NCAM1: variants seen among roughly 807,000 people sequenced by gnomAD.
The protein encoded by NCAM1 is antigen recognized by monoclonal antibody 5.1H11.
A neutral mutation model predicts 109.8 loss-of-function variants in NCAM1; 14 were observed. The ratio of observed to expected loss-of-function variants is 0.13; its 90% CI spans 0.08 to 0.20. The LOEUF is 0.20. Ranked by LOEUF, NCAM1 falls within the 10% of genes least tolerant of loss-of-function variation. The pLI, the probability that NCAM1 is intolerant of heterozygous loss-of-function variation, is 1.00. For synonymous variants in NCAM1, 418 were observed against 442.9 expected (o/e 0.94, Z 0.70); for missense variants, 774 against 1,109.9 (o/e 0.70, Z 4.30).
chr11:113,087,830 C>G (rs1057236136), intron 1 of NCAM1, among the ~76,000 whole-genome samples: 1 of 152,180 alleles, frequency 6.6e-6, no homozygotes. Flanking sequence ...GGAGCTCAGT[C>G]TCTACTTTCA....
chr11:113,036,768 T>C (rs782782193), intron 1 of NCAM1, among the ~76,000 whole-genome samples: 7 of 152,140 alleles, frequency 4.6e-5, no homozygotes, highest in Non-Finnish European at 1.0e-4. Flanking sequence ...ACCTCAAATA[T>C]TTCAAGGAAA....
intron 1 of NCAM1, among the ~76,000 whole-genome samples, chr11:113,080,241 C>A (rs1255435220): frequency 6.6e-6 from 1 of 151,964 alleles, no homozygotes; most frequent in Non-Finnish European, 1.5e-5. Context: ...TTCAAGTGCC[C>A]GCTACAGAAA....
chr11:113,163,191 G>A (rs1555104708), intron 1 of NCAM1, among the ~76,000 whole-genome samples: 1 of 152,186 alleles, frequency 6.6e-6, no homozygotes, highest in Non-Finnish European at 1.5e-5. Context: ...AAGAAAGGCA[G>A]AGAAGACCTT....
chr11:113,089,935 ATTC>A (rs1393329823), intron 1 of NCAM1, among the ~76,000 whole-genome samples: 2 of 152,224 alleles, frequency 1.3e-5, no homozygotes, highest in African/African-American at 4.8e-5. Flanking sequence ...ATAAGATTCT[ATTC>A]TATTACAGGA....
intron 1 of NCAM1, among the ~76,000 whole-genome samples, chr11:113,189,039 C>T (rs943063471): frequency 5.9e-5 from 9 of 152,142 alleles, no homozygotes; most frequent in East Asian, 1.9e-4. Flanking sequence ...TTGTCCTCTC[C>T]GTAGGCTTTT....
chr11:113,108,979 G>C (rs1343768008), intron 1 of NCAM1, among the ~76,000 whole-genome samples: 1 of 150,518 alleles, frequency 6.6e-6, no homozygotes, highest in East Asian at 2.0e-4. Flanking sequence ...CACCTGCCTT[G>C]GCCTCCCAAA....
At chr11:113,079,987 A>G (rs533165471) in intron 1 of NCAM1, among the ~76,000 whole-genome samples, 2 of 152,354 alleles carry the variant, frequency 1.3e-5, no homozygotes, top group East Asian at 1.9e-4. Flanking sequence ...AAATATTACA[A>G]TACATTATAA....
intron 1 of NCAM1, among the ~76,000 whole-genome samples, chr11:113,116,294 C>T (rs1366495815): frequency 6.6e-6 from 1 of 152,194 alleles, no homozygotes; most frequent in African/African-American, 2.4e-5. Flanking sequence ...TTTGTCCATT[C>T]AGGCAACTGC....
intron 1 of NCAM1, among the ~76,000 whole-genome samples, chr11:113,056,489 G>A (rs1333626438): frequency 6.6e-6 from 1 of 152,084 alleles, no homozygotes; most frequent in South Asian, 2.1e-4. Context: ...GCCATCACAT[G>A]TACCCCTAAC....
At chr11:113,169,875 C>T (rs1230305835) in intron 1 of NCAM1, among the ~76,000 whole-genome samples, 4 of 152,112 alleles carry the variant, frequency 2.6e-5, no homozygotes, top group African/African-American at 9.7e-5. Context: ...GATCCTCCCG[C>T]CTCAGCCTCC....
At chr11:113,042,032 C>T (rs1953097472) in intron 1 of NCAM1, among the ~76,000 whole-genome samples, 1 of 152,166 alleles carries the variant, frequency 6.6e-6, no homozygotes. Context: ...GAACTTTGCC[C>T]TTGTCACTCC....
chr11:113,235,806 G>A (rs11214546), intron 14 of NCAM1, among the ~76,000 whole-genome samples: 52 of 152,142 alleles, frequency 3.4e-4, no homozygotes, highest in South Asian at 1.2e-3. Context: ...GGTTTTCCTC[G>A]GCCATTCCCT....
chr11:113,185,510 C>T (rs1298854826), intron 1 of NCAM1, among the ~76,000 whole-genome samples: 1 of 152,088 alleles, frequency 6.6e-6, no homozygotes, highest in Non-Finnish European at 1.5e-5. Context: ...CACCTTATGG[C>T]TCAGGAAAAT....
chr11:112,984,678 C>CCT (rs1951248440), intron 1 of NCAM1, among the ~76,000 whole-genome samples: 1 of 151,756 alleles, frequency 6.6e-6, no homozygotes, highest in African/African-American at 2.4e-5. Context: ...TATACAGTAT[C>CCT]TGTTGGTTAT....
At chr11:113,185,499 G>A (rs1943481369) in intron 1 of NCAM1, among the ~76,000 whole-genome samples, 1 of 152,052 alleles carries the variant, frequency 6.6e-6, no homozygotes, top group Non-Finnish European at 1.5e-5. Context: ...AAATATCTGG[G>A]CACCTTATGG....
At chr11:112,967,659 A>G (rs1950764482) in intron 1 of NCAM1, among the ~76,000 whole-genome samples, 1 of 152,222 alleles carries the variant, frequency 6.6e-6, no homozygotes, top group Admixed American at 6.5e-5. Flanking sequence ...ATGGATCTGG[A>G]AAAAATAATT....
intron 14 of NCAM1, chr11:113,246,125 C>G: frequency 3.8e-6 from 2 of 531,458 alleles, no homozygotes; most frequent in Non-Finnish European, 3.3e-6. Flanking sequence ...TGGGCAGTTT[C>G]ACTGCCCTCC....
intron 1 of NCAM1, among the ~76,000 whole-genome samples, chr11:113,095,958 C>T (rs887600957): frequency 6.6e-6 from 1 of 152,076 alleles, no homozygotes; most frequent in Non-Finnish European, 1.5e-5. Flanking sequence ...AATGGAATAT[C>T]TAGTATAATG....
At chr11:113,038,421 G>A (rs1256275153) in intron 1 of NCAM1, among the ~76,000 whole-genome samples, 1 of 152,170 alleles carries the variant, frequency 6.6e-6, no homozygotes, top group East Asian at 1.9e-4. Context: ...GAGCCCCATA[G>A]CACTTTGCTT....
Sources: gnomAD v4.1 joint callset for allele counts (sites outside exome capture counted in the v4.1 genomes callset) on GRCh38, gnomAD v4.1.1 for gene constraint, MANE v1.5 for transcripts, NCBI Gene and HGNC (gene_info 2026-07-23, HGNC 2026-07-21) for gene names.